CASP1: variants seen among roughly 807,000 people sequenced by gnomAD.
The protein encoded by CASP1 is caspase 1.
A neutral mutation model predicts 41.2 loss-of-function variants in CASP1; 31 were observed. The observed-to-expected ratio is 0.75, with a 90% confidence interval of 0.57 to 1.02. CASP1 has a LOEUF of 1.02. Among genes scored for constraint, CASP1 ranks in the 50% least tolerant of loss-of-function variants. The probability of loss-of-function intolerance (pLI) is 0.00; values close to 1 mark genes in which losing one functional copy is unlikely to be tolerated. For missense variants in CASP1, 490 were observed against 495.7 expected (o/e 0.99, Z 0.11); for synonymous variants, 163 against 166.5 (o/e 0.98, Z 0.16).
Position 105,029,690 on chromosome 11 carries a change from C to T in CASP1, c.837G>A (p.Val279=). ...NCPSLKDKPK[V]IIIQACRGDS... ...CACCACGGCAGGCCTGGATGATGATCACCTTCGGTTTGTCCTTCAAACTTG... is the reference window on the plus strand; with the variant it reads ...CACCACGGCAGGCCTGGATGATGATTACCTTCGGTTTGTCCTTCAAACTTG... The change falls in exon 6 of 9, where the codon GTG becomes GTA. Residue 279 remains valine, a synonymous_variant. Coordinates refer to ENST00000533400, the MANE Select transcript of CASP1 (RefSeq NM_001257118.3). 1 of 1,613,448 alleles carries T rather than the reference C, an allele frequency of 6.2e-7. No homozygotes were observed.
chr11:105,030,268 T>G, intron 5 of CASP1, 62 bp downstream of exon 5: 1 of 1,377,540 alleles, frequency 7.3e-7, no homozygotes, highest in Non-Finnish European at 1.0e-6. Context: ...AACCAAGCTT[T>G]CTAATATTAT....
Position 105,025,816 on chromosome 11 carries a change from A to C in CASP1, c.*442T>G. The C allele has an allele frequency of 4.1e-6, 1 of 242,898 alleles. No homozygotes were observed. Among genetic ancestry groups the C allele is most frequent in the South Asian group, 4.9e-5 (1 of 20,614 alleles). The allele number at this position is 242,898 out of a possible 1,614,324, so 15.0% of individuals were successfully genotyped here. A position where few individuals can be genotyped will look rare whatever the true frequency, so the allele number is the denominator to read the frequency against. On this transcript the variant is annotated 3_prime_UTR_variant, in exon 9 of 9. Coordinates refer to ENST00000533400, the MANE Select transcript of CASP1 (RefSeq NM_001257118.3). The stretch of plus-strand genomic sequence containing the variant: ...GCCACTTCTAGGCCAATATCAGATG[A>C]ATCTCAAAAGGGGTCTAAATGAAAA...
intron 8 of CASP1, 42 bp from the exon 9 acceptor site, chr11:105,026,398 G>GT (rs3216159): frequency 0.029 from 31,008 of 1,068,948 alleles, 1 homozygote; most frequent in Non-Finnish European, 0.031. Context: ...TTTTTGCTGA[G>GT]TTTTTTTTTT....
At position 105,030,355 on chromosome 11, in the gene CASP1, T is replaced by C; in HGVS notation, c.602A>G (p.Asp201Gly). 6.2e-7 allele frequency: 1 copy of C among 1,613,372 alleles called. No individual in the cohort carries two copies. Among genetic ancestry groups the C allele is most frequent in the Non-Finnish European group, 8.5e-7 (1 of 1,179,582 alleles). ...CGAAGCAGTGAGATTTTTTTTCACATCTACGCTGTACCCCAGATTTTGTAG... is the reference window on the plus strand; with the variant it reads ...CGAAGCAGTGAGATTTTTTTTCACACCTACGCTGTACCCCAGATTTTGTAG... Reference protein sequence around the residue: ...MLLQNLGYSVDVKKNLTASDM... With the variant: ...MLLQNLGYSVGVKKNLTASDM... The change falls in exon 5 of 9, where the codon GAT (aspartate) becomes GGT (glycine). Residue 201 changes from aspartate to glycine, a missense_variant. By Grantham distance (94) the Asp-to-Gly change is moderately conservative. Coordinates refer to ENST00000533400, the MANE Select transcript of CASP1 (RefSeq NM_001257118.3).
rs753570094 is a variant in CASP1, at chr11:105,031,172, G to A, written c.446C>T (p.Ser149Leu). ...EEAQRIWKQK[S>L]AEIYPIMDKS... ...GGGTTCTGAGCATGGCACCTCTGCC[G>A]ACTTTTGTTTCCATATCCTTTGAGC... The change falls in exon 4 of 9, where the codon TCG becomes TTG. Residue 149 changes from serine (S) to leucine (L), a missense_variant. Coordinates refer to ENST00000533400, the MANE Select transcript of CASP1 (RefSeq NM_001257118.3). The A allele has an allele frequency of 9.4e-6, 15 of 1,601,702 alleles. No individual in the cohort carries two copies. The highest frequency in any genetic ancestry group is 6.6e-5 in the South Asian group (6 of 90,840).
chr11:105,029,281 G>A lies in CASP1; in HGVS notation c.863-14C>T. 1 of 1,605,922 alleles carries A rather than the reference G, an allele frequency of 6.2e-7. No individual in the cohort carries two copies. Among genetic ancestry groups the A allele is most frequent in the Non-Finnish European group, 8.5e-7 (1 of 1,176,938 alleles). On this transcript the variant is annotated splice_polypyrimidine_tract_variant and intron_variant, in intron 6 of 8. Coordinates refer to ENST00000533400, the MANE Select transcript of CASP1 (RefSeq NM_001257118.3). ...CACCAGGGCTGTCTGGAAAGACACA[G>A]TTTGATTTGTTACTACTACCAATGG...
chr11:105,030,200 C>G (rs773726444), intron 5 of CASP1, 130 bp downstream of exon 5: 2 of 786,494 alleles, frequency 2.5e-6, no homozygotes, highest in African/African-American at 1.7e-5. Context: ...GTATCCAGCA[C>G]TCTCTCATGG....
intron 8 of CASP1, 106 bp downstream of exon 8, chr11:105,026,736 G>A (rs550418587): frequency 5.6e-6 from 4 of 710,652 alleles, no homozygotes; most frequent in Middle Eastern, 3.3e-4. Context: ...GGAAAGAAGA[G>A]CATTATTGGA....
At chr11:105,026,742 T>C in intron 8 of CASP1, 100 bp downstream of exon 8, 2 of 731,470 alleles carry the variant, frequency 2.7e-6, no homozygotes, top group Admixed American at 2.1e-5. Context: ...AAGAGCATTA[T>C]TGGAAGATAA....
chr11:105,029,030 T>G, intron 7 of CASP1, 94 bp downstream of exon 7: 1 of 1,150,336 alleles, frequency 8.7e-7, no homozygotes, highest in Non-Finnish European at 1.2e-6. Context: ...AAGCTTGAGT[T>G]GGTCTTGAGT....
intron 8 of CASP1, 181 bp from the exon 9 acceptor site, chr11:105,026,537 G>A (rs764859756): frequency 9.5e-5 from 57 of 601,280 alleles, no homozygotes; most frequent in Middle Eastern, 3.8e-4. Context: ...ACCCTCCTCA[G>A]GGCATTTTAA....
At chr11:105,035,314 A>G, upstream of CASP1, 1 of 671,734 alleles carries the variant, frequency 1.5e-6, no homozygotes, top group East Asian at 2.7e-5. Context: ...CAGCCCTTGG[A>G]TAGATCAGGG....
intron 4 of CASP1, 116 bp downstream of exon 4, chr11:105,031,049 G>A (rs918398138): frequency 1.1e-5 from 7 of 664,730 alleles, no homozygotes; most frequent in African/African-American, 9.0e-5. Flanking sequence ...GGGAGCAGAA[G>A]TATGATTCTC....
chr11:105,034,326 A>T lies in CASP1; in HGVS notation c.156T>A (p.Asp52Glu), dbSNP rs143162890. 1.9e-6 allele frequency: 3 copies of T among 1,613,990 alleles called. No individual in the cohort carries two copies. Among genetic ancestry groups the T allele is most frequent in the Non-Finnish European group, 2.5e-6 (3 of 1,180,006 alleles). Residue 52 changes from aspartate to glutamate, a missense_variant, in exon 2 of 9, where the codon GAT becomes GAA. Transcript: ENST00000533400. ...CGGAGTCAATCAAAGCTCGGGTCTT[A>T]TCCATAACTGTAGCATTTTCACGTT... ...KVKRENATVM[D>E]KTRALIDSVI...
Position 105,029,660 on chromosome 11 carries a change from C to T in CASP1, c.862+5G>A, listed in dbSNP as rs901043353. ...TCTGGTGTTCTCAAAGGCATCAGCACTCACCACCACGGCAGGCCTGGATGA... is the reference window on the plus strand; with the variant it reads ...TCTGGTGTTCTCAAAGGCATCAGCATTCACCACCACGGCAGGCCTGGATGA... On this transcript the variant is annotated splice_donor_5th_base_variant and intron_variant, in intron 6 of 8. Coordinates refer to ENST00000533400, the MANE Select transcript of CASP1 (RefSeq NM_001257118.3). The T allele has an allele frequency of 1.2e-6, 2 of 1,605,150 alleles. No homozygotes were observed. The highest frequency in any genetic ancestry group is 1.7e-6 in the Non-Finnish European group (2 of 1,172,110).
upstream of CASP1, among the ~76,000 whole-genome samples, chr11:105,035,616 C>CTTTTTCTTTTTTTTTTTTTTTTTT (rs770202897): frequency 1.9e-5 from 1 of 52,072 alleles, no homozygotes; most frequent in African/African-American, 5.0e-5. Flanking sequence ...TTTTTTCTTT[C>CTTTTTCTTTTTTTTTTTTTTTTTT]TGTTTTTTTT....
rs959198866 is a variant in CASP1 at position 105,033,827 on chromosome 11, A to G, written c.274+381T>C. ...ATTTGATTATAAACCTTAAAGCTTC[A>G]TGTGACTTTACAACTACATAAGTGC... On this transcript the variant is annotated intron_variant, in intron 2 of 8. Transcript: ENST00000533400. 3 of 536,382 alleles carry G rather than the reference A, an allele frequency of 5.6e-6. No individual in the cohort carries two copies. The Admixed American group carries it at 6.8e-5, about 12-fold the overall frequency. 33.2% of individuals were successfully genotyped at this position (536,382 alleles called of 1,614,324 possible).
intron 3 of CASP1, among the ~76,000 whole-genome samples, chr11:105,031,549 G>A (rs571295206): frequency 6.6e-6 from 1 of 152,070 alleles, no homozygotes; most frequent in African/African-American, 2.4e-5. Flanking sequence ...ACATAGAAAG[G>A]GAAAATTTAA....
At chr11:105,030,869 T>G in intron 4 of CASP1, 1 of 357,234 alleles carries the variant, frequency 2.8e-6, no homozygotes, top group Non-Finnish European at 5.1e-6. Flanking sequence ...TGGGTTGTGT[T>G]TAAGGTTAAA....
Sources: gnomAD v4.1 joint callset for allele counts (sites outside exome capture counted in the v4.1 genomes callset) on GRCh38, gnomAD v4.1.1 for gene constraint, MANE v1.5 for transcripts, NCBI Gene and HGNC (gene_info 2026-07-23, HGNC 2026-07-21) for gene names.